SSBP2: variants seen among roughly 807,000 people sequenced by gnomAD.
SSBP2 encodes the protein single stranded DNA binding protein 2, also known as single-stranded DNA-binding protein 2.
Under a neutral mutation model 61.8 loss-of-function variants are expected in SSBP2, and 17 were observed. That is an observed-to-expected ratio of 0.28 (90% CI 0.19 to 0.41). The LOEUF (loss-of-function observed/expected upper bound fraction) is 0.41, where lower values mean the gene tolerates loss of function less well. Among genes scored for constraint, SSBP2 ranks in the 10% least tolerant of loss-of-function variants. The pLI, the probability that SSBP2 is intolerant of heterozygous loss-of-function variation, is 1.00. For synonymous variants in SSBP2, 139 were observed against 141.3 expected (o/e 0.98, Z 0.12); for missense variants, 310 against 458.7 (o/e 0.68, Z 2.96).
At chr5:81,506,811 T>C (rs539550868) in intron 5 of SSBP2, among the ~76,000 whole-genome samples, 14 of 152,262 alleles carry the variant, frequency 9.2e-5, no homozygotes, top group African/African-American at 3.4e-4. Flanking sequence ...CCCAAAAACA[T>C]TTAACCAGGA....
chr5:81,737,543 G>C (rs1207371139), intron 1 of SSBP2, among the ~76,000 whole-genome samples: 1 of 152,026 alleles, frequency 6.6e-6, no homozygotes, highest in Non-Finnish European at 1.5e-5. Flanking sequence ...AGCACTTTGG[G>C]AGGCCAAGGC....
intron 1 of SSBP2, among the ~76,000 whole-genome samples, chr5:81,688,807 C>T (rs1753004704): frequency 1.3e-5 from 2 of 152,090 alleles, no homozygotes; most frequent in African/African-American, 4.8e-5. Flanking sequence ...CTCTTCAATG[C>T]TCGAACACTG....
chr5:81,505,249 G>T (rs1053460132), intron 5 of SSBP2, among the ~76,000 whole-genome samples: 1 of 152,168 alleles, frequency 6.6e-6, no homozygotes, highest in African/African-American at 2.4e-5. Context: ...TTGAGTGGCT[G>T]TGAGAGACCG....
chr5:81,471,804 C>A (rs1432370077), intron 8 of SSBP2, among the ~76,000 whole-genome samples: 1 of 151,752 alleles, frequency 6.6e-6, no homozygotes, highest in African/African-American at 2.4e-5. Flanking sequence ...GTTCCTCTTT[C>A]CTTGGAACTG....
At chr5:81,445,051 A>C (rs1018484350) in intron 12 of SSBP2, among the ~76,000 whole-genome samples, 1 of 149,164 alleles carries the variant, frequency 6.7e-6, no homozygotes, top group East Asian at 2.0e-4. Flanking sequence ...TGAATCCAGG[A>C]GGCTGAGCTT....
intron 3 of SSBP2, among the ~76,000 whole-genome samples, chr5:81,636,283 C>T (rs372841204): frequency 6.6e-6 from 1 of 152,144 alleles, no homozygotes; most frequent in Non-Finnish European, 1.5e-5. Context: ...ACCTATTCTA[C>T]GGTATTTTGT....
chr5:81,578,063 A>G (rs572052109), intron 4 of SSBP2, among the ~76,000 whole-genome samples: 4 of 152,094 alleles, frequency 2.6e-5, no homozygotes, highest in African/African-American at 4.8e-5. Flanking sequence ...TAAATGGTTC[A>G]GCTGGGATTT....
In SSBP2 at chr5:81,594,503, T is replaced by C. The variant is rs1055850718; in HGVS notation, c.282+20970A>G. 4.5e-4 allele frequency among the ~76,000 whole-genome samples: 68 copies of C among 152,078 alleles called. 1 individual carries two copies. The highest frequency in any genetic ancestry group is 1.4e-3 in the African/African-American group (57 of 41,486). On this transcript the variant is annotated intron_variant, in intron 4 of 16. Transcript: ENST00000320672. ...TGCACCAAGCGGACCTAACAGACAT[T>C]TACAGAACTCTCCACCCCAAATCAA...
intron 4 of SSBP2, among the ~76,000 whole-genome samples, chr5:81,537,069 G>A (rs1052583901): frequency 3.9e-5 from 6 of 151,930 alleles, no homozygotes; most frequent in African/African-American, 1.5e-4. Context: ...TTTCTAAAAG[G>A]AATTTTGAAA....
chr5:81,614,228 C>T (rs1033740809), intron 4 of SSBP2, among the ~76,000 whole-genome samples: 22 of 152,050 alleles, frequency 1.4e-4, no homozygotes, highest in Non-Finnish European at 7.4e-5. Context: ...GGCGTGTTGG[C>T]GGGCGCCTGT....
intron 12 of SSBP2, among the ~76,000 whole-genome samples, chr5:81,445,138 TTATATATA>T (rs1160080305): frequency 3.0e-5 from 1 of 33,896 alleles, no homozygotes; most frequent in South Asian, 1.4e-3. Context: ...AAAAAAAATT[TTATATATA>T]TATATATATA....
chr5:81,585,694 G>GT (rs1482878993), intron 4 of SSBP2, among the ~76,000 whole-genome samples: 2 of 151,830 alleles, frequency 1.3e-5, no homozygotes, highest in Non-Finnish European at 2.9e-5. Context: ...TACTTTCTTA[G>GT]CCATTTTCAA....
chr5:81,623,261 C>CACTCAAGT (rs1452964011), intron 3 of SSBP2, among the ~76,000 whole-genome samples: 1 of 151,984 alleles, frequency 6.6e-6, no homozygotes, highest in Non-Finnish European at 1.5e-5. Context: ...CCCTAATTTC[C>CACTCAAGT]ACTCAAGTAA....
chr5:81,742,985 T>C (rs1757128695), intron 1 of SSBP2, among the ~76,000 whole-genome samples: 1 of 152,170 alleles, frequency 6.6e-6, no homozygotes. Context: ...GGAGAAATAA[T>C]TACGCCAATT....
chr5:81,737,607 C>A (rs1408398319), intron 1 of SSBP2, among the ~76,000 whole-genome samples: 11 of 142,830 alleles, frequency 7.7e-5, no homozygotes, highest in Admixed American at 7.3e-4. Context: ...ACGGTGAAAC[C>A]CCGTCTCTAC....
intron 1 of SSBP2, among the ~76,000 whole-genome samples, chr5:81,674,697 A>C (rs1751825784): frequency 6.6e-6 from 1 of 152,164 alleles, no homozygotes; most frequent in African/African-American, 2.4e-5. Flanking sequence ...CTACCCTATA[A>C]TTTAAAAAAA....
intron 4 of SSBP2, among the ~76,000 whole-genome samples, chr5:81,526,929 C>A (rs1292662901): frequency 6.6e-6 from 1 of 151,566 alleles, no homozygotes; most frequent in African/African-American, 2.4e-5. Flanking sequence ...AAGAATCAGT[C>A]ATAGGGAGGC....
intron 1 of SSBP2, among the ~76,000 whole-genome samples, chr5:81,684,939 C>T (rs1752662598): frequency 6.6e-6 from 1 of 151,874 alleles, no homozygotes; most frequent in African/African-American, 2.4e-5. Flanking sequence ...GATTTGTGTC[C>T]CCACACAAAT....
intron 4 of SSBP2, among the ~76,000 whole-genome samples, chr5:81,550,760 T>C (rs980959689): frequency 6.6e-6 from 1 of 152,090 alleles, no homozygotes; most frequent in Non-Finnish European, 1.5e-5. Flanking sequence ...AATTCTGAGC[T>C]CCCCAAACAC....
Sources: allele counts gnomAD v4.1 joint callset (sites outside exome capture counted in the v4.1 genomes callset), GRCh38; gene constraint gnomAD v4.1.1; transcripts MANE v1.5; gene names NCBI Gene and HGNC (gene_info 2026-07-23, HGNC 2026-07-21).